The following TMEM132D variants were observed in gnomAD, a reference collection of about 807,000 sequenced individuals.
TMEM132D encodes transmembrane protein 132D.
Under a neutral mutation model 62.3 loss-of-function variants are expected in TMEM132D, and 21 were observed. That is an observed-to-expected ratio of 0.34 (90% CI 0.24 to 0.49). The LOEUF is 0.49. TMEM132D is among the 20% of genes least tolerant of loss of function. The pLI is 0.99. For missense variants in TMEM132D, 1,346 were observed against 1,402.8 expected, an observed-to-expected ratio of 0.96 and a Z score of 0.65; for synonymous variants, 621 against 575.6, an observed-to-expected ratio of 1.08 and a Z score of -1.13.
At chr12:129,531,250 C>A in intron 2 of TMEM132D, 45 bp from the exon 3 acceptor site, 2 of 1,549,214 alleles carry the variant, frequency 1.3e-6, no homozygotes, top group South Asian at 2.5e-5. Context: ...TCTGGGGAAT[C>A]CCCGGGTCAT....
chr12:129,654,176 C>T (rs1039201813), intron 2 of TMEM132D, among the ~76,000 whole-genome samples: 7 of 151,998 alleles, frequency 4.6e-5, no homozygotes, highest in East Asian at 1.9e-4. Context: ...GGATACATGC[C>T]GAGCTTTGGC....
intron 5 of TMEM132D, among the ~76,000 whole-genome samples, chr12:129,179,691 T>A (rs1006771219): frequency 2.0e-5 from 3 of 152,056 alleles, no homozygotes; most frequent in Non-Finnish European, 4.4e-5. Flanking sequence ...TGAACTTCGG[T>A]TGGATGATGG....
intron 1 of TMEM132D, among the ~76,000 whole-genome samples, chr12:129,727,076 C>A (rs768099806): frequency 4.6e-5 from 7 of 152,176 alleles, no homozygotes; most frequent in Non-Finnish European, 1.0e-4. Context: ...AGGACAGACA[C>A]CCATGAATTA....
intron 5 of TMEM132D, among the ~76,000 whole-genome samples, chr12:129,104,687 A>C (rs1344769953): frequency 2.6e-5 from 4 of 151,648 alleles, no homozygotes; most frequent in Non-Finnish European, 5.9e-5. Flanking sequence ...AACTCAAACA[A>C]ATTTACAAGA....
intron 4 of TMEM132D, among the ~76,000 whole-genome samples, chr12:129,301,395 C>T (rs1241182977): frequency 6.6e-6 from 1 of 152,074 alleles, no homozygotes; most frequent in Non-Finnish European, 1.5e-5. Flanking sequence ...CCTGTGTTTC[C>T]TAACATTTGC....
chr12:129,440,225 T>A (rs1024515016), intron 3 of TMEM132D, among the ~76,000 whole-genome samples: 1 of 152,170 alleles, frequency 6.6e-6, no homozygotes, highest in Non-Finnish European at 1.5e-5. Flanking sequence ...CATGATAACA[T>A]GAAAGTGGGA....
chr12:129,711,640 T>C (rs936456947), intron 1 of TMEM132D, among the ~76,000 whole-genome samples: 2 of 147,150 alleles, frequency 1.4e-5, no homozygotes, highest in Non-Finnish European at 3.0e-5. Context: ...GGCAGGAGAA[T>C]CACTTCAACC....
At chr12:129,718,190 G>T (rs1300687007) in intron 1 of TMEM132D, among the ~76,000 whole-genome samples, 4 of 152,144 alleles carry the variant, frequency 2.6e-5, no homozygotes, top group African/African-American at 9.7e-5. Context: ...GCCCAAACTG[G>T]GTCCTGTGTG....
intron 8 of TMEM132D, among the ~76,000 whole-genome samples, chr12:129,076,860 C>T (rs545076112): frequency 3.5e-4 from 54 of 152,342 alleles, no homozygotes; most frequent in Non-Finnish European, 5.4e-4. Context: ...CCTTCCTTAA[C>T]GCCTAGCTGG....
chr12:129,901,385 A>AT (rs1282134913), intron 1 of TMEM132D, among the ~76,000 whole-genome samples: 4 of 152,006 alleles, frequency 2.6e-5, no homozygotes, highest in Non-Finnish European at 4.4e-5. Flanking sequence ...AGGGGTGTTG[A>AT]TTTTTTTCTT....
chr12:129,748,505 G>A (rs1236410137), intron 1 of TMEM132D, among the ~76,000 whole-genome samples: 1 of 152,150 alleles, frequency 6.6e-6, no homozygotes, highest in Non-Finnish European at 1.5e-5. Flanking sequence ...CAGGGAGAAA[G>A]GGTCCAAGGA....
chr12:129,501,342 T>G (rs2137067389), intron 3 of TMEM132D, among the ~76,000 whole-genome samples: 1 of 152,178 alleles, frequency 6.6e-6, no homozygotes, highest in Middle Eastern at 3.4e-3. Context: ...AAAAGTAGCT[T>G]AGGGAACCAC....
rs116800034 is a variant in TMEM132D at position 129,313,052 on chromosome 12, G to A, written c.1299+24582C>T. Among the ~76,000 whole-genome samples the A allele has an allele frequency of 3.9e-3, 599 of 152,300 alleles. 2 individuals carry two copies. The highest frequency in any genetic ancestry group is 0.013 in the African/African-American group (556 of 41,564). ...GGTTCCAGGAATATGTTTGGAACAT[G>A]AAGATCAAGAGTTTGATTCCGGACA... On this transcript the variant is annotated intron_variant, in intron 4 of 8. Coordinates refer to ENST00000422113, the MANE Select transcript of TMEM132D (RefSeq NM_133448.3).
intron 1 of TMEM132D, among the ~76,000 whole-genome samples, chr12:129,749,043 GAGA>G (rs764662529): frequency 1.2e-4 from 18 of 152,346 alleles, no homozygotes; most frequent in East Asian, 7.7e-4. Flanking sequence ...GAGATCAGCA[GAGA>G]AGAAGGGTGG....
intron 2 of TMEM132D, among the ~76,000 whole-genome samples, chr12:129,571,644 C>G (rs1376137357): frequency 6.6e-6 from 1 of 151,932 alleles, no homozygotes; most frequent in Non-Finnish European, 1.5e-5. Context: ...ACACAAACAG[C>G]AGAAGTGGCT....
At chr12:129,456,766 C>T (rs1048446121) in intron 3 of TMEM132D, among the ~76,000 whole-genome samples, 4 of 152,148 alleles carry the variant, frequency 2.6e-5, no homozygotes, top group African/African-American at 4.8e-5. Flanking sequence ...CTCTCCTCTA[C>T]GAGCTGCATC....
intron 1 of TMEM132D, among the ~76,000 whole-genome samples, chr12:129,769,971 C>T (rs908952167): frequency 3.3e-5 from 5 of 151,800 alleles, no homozygotes; most frequent in South Asian, 2.1e-4. Context: ...CCACCACACC[C>T]GACGAACGTT....
At chr12:129,093,146 T>C (rs563443051) in intron 5 of TMEM132D, among the ~76,000 whole-genome samples, 2 of 152,304 alleles carry the variant, frequency 1.3e-5, no homozygotes, top group East Asian at 3.9e-4. Context: ...TGCAGGGACA[T>C]GCCACAGATG....
intron 4 of TMEM132D, among the ~76,000 whole-genome samples, chr12:129,270,725 T>C (rs12301688): frequency 1.3e-5 from 2 of 152,132 alleles, no homozygotes; most frequent in Non-Finnish European, 2.9e-5. Context: ...ACAAGAATTA[T>C]GCACTTTTTT....
Sources: allele counts gnomAD v4.1 joint callset (sites outside exome capture counted in the v4.1 genomes callset), GRCh38; gene constraint gnomAD v4.1.1; transcripts MANE v1.5; gene names NCBI Gene and HGNC (gene_info 2026-07-23, HGNC 2026-07-21).